YIF1B: variants seen among roughly 807,000 people sequenced by gnomAD.
The protein encoded by YIF1B is Yip1 interacting factor homolog B, membrane trafficking protein.
In YIF1B, 24 loss-of-function variants were observed where a neutral mutation model predicts 34.6. The ratio of observed to expected loss-of-function variants is 0.69; its 90% CI spans 0.50 to 0.98. The LOEUF (loss-of-function observed/expected upper bound fraction) is 0.98. YIF1B is among the 50% of genes least tolerant of loss of function. The probability of loss-of-function intolerance (pLI) is 0.00; values close to 1 mark genes in which losing one functional copy is unlikely to be tolerated. For synonymous variants in YIF1B, 186 were observed against 184.8 expected, an observed-to-expected ratio of 1.01 and a Z score of -0.05; for missense variants, 368 against 429.4, an observed-to-expected ratio of 0.86 and a Z score of 1.26.
chr19:38,308,954 G>A (rs908010606), intron 4 of YIF1B, 25 bp downstream of exon 4: 48 of 1,611,022 alleles, frequency 3.0e-5, no homozygotes, highest in Non-Finnish European at 4.0e-5. Context: ...AGAGAGGAGG[G>A]TGCAGGGTAG....
chr19:38,307,507 AC>A lies in YIF1B; in HGVS notation c.709del (p.Val237SerfsTer21), dbSNP rs1160935643. 2.5e-6 allele frequency: 4 copies of A among 1,613,620 alleles called. No homozygotes were observed. The highest frequency in any genetic ancestry group is 3.4e-6 in the Non-Finnish European group (4 of 1,179,950). On this transcript the variant is annotated frameshift_variant, in exon 7 of 8. Coordinates refer to ENST00000339413, the MANE Select transcript of YIF1B (RefSeq NM_001039672.3). LOFTEE classifies it high-confidence loss of function. ...CTTCCCGAAGAGCAGGCCCATGAGG[AC>A]CCCGCCAATCATCCTGGGGGAGGGA... ...GYKYVGMIGG[V>X]LMGLLFGKIG...
upstream of YIF1B, among the ~76,000 whole-genome samples, chr19:38,316,546 A>G (rs1370160091): frequency 6.6e-6 from 1 of 152,156 alleles, no homozygotes; most frequent in Non-Finnish European, 1.5e-5. Context: ...AGTTCTCTGC[A>G]GACAGCCGTT....
At position 38,306,923 on chromosome 19, in the gene YIF1B, C is replaced by T. The variant is rs986210658; in HGVS notation, c.789+505G>A. On this transcript the variant is annotated intron_variant, in intron 7 of 7. Transcript: ENST00000339413. Reference sequence around the variant, plus strand: ...GTCTTGATCTCCTGACCTCGTGATCCGACCGCCTCGGCCTCCCAAAGTGCT... The same window carrying T: ...GTCTTGATCTCCTGACCTCGTGATCTGACCGCCTCGGCCTCCCAAAGTGCT... 2.4e-5 allele frequency: 11 copies of T among 466,396 alleles called. No homozygotes were observed. In the East Asian group the frequency reaches 4.9e-4, roughly 21 times the overall value. 28.9% of individuals were successfully genotyped at this position (466,396 alleles called of 1,614,324 possible).
chr19:38,320,869 G>T (rs1001786620), upstream of YIF1B, among the ~76,000 whole-genome samples: 1 of 151,988 alleles, frequency 6.6e-6, no homozygotes, highest in African/African-American at 2.4e-5. Context: ...TGCATTCCCC[G>T]GTCTTAATCC....
chr19:38,304,980 G>C lies in YIF1B; in HGVS notation c.*372C>G. 1 of 1,585,334 alleles carries C rather than the reference G, an allele frequency of 6.3e-7. No individual in the cohort carries two copies. The highest frequency in any genetic ancestry group is 8.6e-7 in the Non-Finnish European group (1 of 1,166,546). ...TCCCCACTGAAGGGCCCTGGACAGG[G>C]CTCATTAAACCTTCCTCTCTGCCTT... On this transcript the variant is annotated 3_prime_UTR_variant, in exon 8 of 8. Transcript: ENST00000339413.
At position 38,309,208 on chromosome 19, in the gene YIF1B, CCCTGGGGGTGCTGA is replaced by C; in HGVS notation, c.402+2_402+15del. 6.2e-7 allele frequency: 1 copy of C among 1,613,264 alleles called. No homozygotes were observed. Among genetic ancestry groups the C allele is most frequent in the Non-Finnish European group, 8.5e-7 (1 of 1,179,556 alleles). On this transcript the variant is annotated splice_donor_variant and splice_donor_5th_base_variant and intron_variant, in intron 3 of 7. Transcript: ENST00000339413. LOFTEE classifies it high-confidence loss of function. ...ACAGGCCCACTGCAGACCCACATTCCCCTGGGGGTGCTGACCTGGTGTAGGTAGGGGAAGAACAG... is the reference window on the plus strand; with the variant it reads ...ACAGGCCCACTGCAGACCCACATTCCCCTGGTGTAGGTAGGGGAAGAACAG...
chr19:38,305,112 A>C lies in YIF1B; in HGVS notation c.*240T>G. 2 of 1,453,364 alleles carry C rather than the reference A, an allele frequency of 1.4e-6. No homozygotes were observed. Among genetic ancestry groups the C allele is most frequent in the Admixed American group, 2.5e-5 (1 of 40,768 alleles). The allele number at this position is 1,453,364 out of a possible 1,614,324, so 90.0% of individuals were successfully genotyped here. On this transcript the variant is annotated 3_prime_UTR_variant, in exon 8 of 8. Transcript: ENST00000339413. ...GCGCGAGGCCAAGGAGAGGCTGTCC[A>C]CGCCATGCCCATCAGGGTTTATTGT...
upstream of YIF1B, chr19:38,319,835 G>A (rs371849918): frequency 1.9e-6 from 2 of 1,033,092 alleles, no homozygotes; most frequent in East Asian, 3.3e-5. Flanking sequence ...TTCCTCTTGG[G>A]GCATCTGCTG....
intron 7 of YIF1B, chr19:38,307,109 G>A (rs1044876332): frequency 2.0e-5 from 10 of 497,734 alleles, no homozygotes; most frequent in African/African-American, 1.6e-4. Flanking sequence ...GGGCTCTAGA[G>A]AATCTCCTTC....
upstream of YIF1B, among the ~76,000 whole-genome samples, chr19:38,321,068 C>T (rs767640922): frequency 3.9e-5 from 6 of 152,174 alleles, no homozygotes; most frequent in African/African-American, 7.2e-5. Context: ...GTCTCCTGAC[C>T]CTCCAGATAT....
chr19:38,308,063 A>G (rs1024381003), intron 5 of YIF1B, among the ~76,000 whole-genome samples: 1 of 152,202 alleles, frequency 6.6e-6, no homozygotes, highest in Admixed American at 6.5e-5. Flanking sequence ...CTGGTCAGGG[A>G]CAAAGCCCTT....
chr19:38,319,247 T>C (rs1482583910), upstream of YIF1B, among the ~76,000 whole-genome samples: 1 of 151,996 alleles, frequency 6.6e-6, no homozygotes, highest in African/African-American at 2.4e-5. Flanking sequence ...CAGGCGTGGG[T>C]CACTCTTGTG....
chr19:38,315,986 G>A (rs1969535209), upstream of YIF1B: 2 of 1,365,972 alleles, frequency 1.5e-6, no homozygotes, highest in Admixed American at 3.9e-5. Flanking sequence ...ACGCCCCGCC[G>A]GCGAAGAGAC....
chr19:38,307,549 G>A, intron 6 of YIF1B, 28 bp from the exon 7 acceptor site: 3 of 1,613,836 alleles, frequency 1.9e-6, no homozygotes, highest in Non-Finnish European at 2.5e-6. Flanking sequence ...GGCTGTGTGA[G>A]GACAAGGCCC....
rs534734617 is a variant in YIF1B at position 38,304,763 on chromosome 19, G to T, written c.*589C>A. 46 of 1,612,122 alleles carry T rather than the reference G, an allele frequency of 2.9e-5. No individual in the cohort carries two copies. In the Admixed American group the frequency reaches 6.2e-4, roughly 22 times the overall value. ...GCGTCCCCGCACTGGGGCTGGCGGG[G>T]AGGGTGCGGGGAGTGGTCCCCCTGT... On this transcript the variant is annotated 3_prime_UTR_variant, in exon 8 of 8. Transcript: ENST00000339413.
upstream of YIF1B, chr19:38,316,033 C>G (rs1172959381): frequency 2.3e-6 from 3 of 1,321,846 alleles, no homozygotes; most frequent in Non-Finnish European, 2.9e-6. Flanking sequence ...AGGCCTCGCC[C>G]CCACCCCCCC....
upstream of YIF1B, among the ~76,000 whole-genome samples, chr19:38,319,516 G>T (rs1969620347): frequency 6.6e-6 from 1 of 152,196 alleles, no homozygotes; most frequent in Non-Finnish European, 1.5e-5. Flanking sequence ...CCCTTGCTCC[G>T]TCAGCCGCGC....
chr19:38,305,881 C>G (rs1410610849), intron 7 of YIF1B, among the ~76,000 whole-genome samples: 2 of 152,132 alleles, frequency 1.3e-5, no homozygotes, highest in African/African-American at 4.8e-5. Context: ...GAAGACACGC[C>G]AGAAATGCTA....
intron 6 of YIF1B, 22 bp downstream of exon 6, chr19:38,307,575 C>T (rs765535365): frequency 1.1e-4 from 185 of 1,613,390 alleles, no homozygotes; most frequent in South Asian, 7.7e-4. Context: ...CTGGGGCTGG[C>T]GTGAAGGGCG....
Sources: gnomAD v4.1 joint callset for allele counts (sites outside exome capture counted in the v4.1 genomes callset) on GRCh38, gnomAD v4.1.1 for gene constraint, MANE v1.5 for transcripts, NCBI Gene and HGNC (gene_info 2026-07-23, HGNC 2026-07-21) for gene names.